ZBTB49: variants seen among roughly 807,000 people sequenced by gnomAD.
ZBTB49 encodes zinc finger and BTB domain containing 49.
ZBTB49 carries 43 observed loss-of-function variants against 57.5 expected under a neutral mutation model. That is an observed-to-expected ratio of 0.75 (90% CI 0.59 to 0.97). The LOEUF is 0.97. ZBTB49 is among the 50% of genes least tolerant of loss of function. ZBTB49 has a pLI of 0.00. For synonymous variants in ZBTB49, 369 were observed against 362.1 expected (o/e 1.02, Z -0.22); for missense variants, 938 against 947.7 (o/e 0.99, Z 0.13).
intron 1 of ZBTB49, 118 bp downstream of exon 1, chr4:4,290,470 C>T (rs1719834640): frequency 6.6e-6 from 1 of 152,398 alleles, no homozygotes; most frequent in African/African-American, 2.4e-5. Flanking sequence ...ACCGCTCCTT[C>T]CCGTCTCTGG....
chr4:4,294,979 G>A (rs947002851), intron 1 of ZBTB49, among the ~76,000 whole-genome samples: 6 of 151,768 alleles, frequency 4.0e-5, no homozygotes, highest in African/African-American at 9.7e-5. Flanking sequence ...GTGTTTGGGG[G>A]CCAGGATTCA....
chr4:4,310,611 G>A (rs1462908973), intron 4 of ZBTB49, among the ~76,000 whole-genome samples: 1 of 150,264 alleles, frequency 6.7e-6, no homozygotes, highest in Non-Finnish European at 1.5e-5. Context: ...CTGGGTTCAC[G>A]CCATTCTCCT....
At chr4:4,300,975 C>T (rs1720447911) in intron 2 of ZBTB49, among the ~76,000 whole-genome samples, 1 of 151,976 alleles carries the variant, frequency 6.6e-6, no homozygotes, top group South Asian at 2.1e-4. Context: ...CCTGAATCAT[C>T]AAATTGAGTC....
At chr4:4,295,464 C>G (rs575170415) in intron 1 of ZBTB49, among the ~76,000 whole-genome samples, 38 of 152,304 alleles carry the variant, frequency 2.5e-4, no homozygotes, top group African/African-American at 9.1e-4. Context: ...GATGAGAACA[C>G]AGAGCCAAGC....
chr4:4,319,578 T>G (rs1035344904), intron 7 of ZBTB49, among the ~76,000 whole-genome samples: 2 of 152,248 alleles, frequency 1.3e-5, no homozygotes, highest in African/African-American at 2.4e-5. Context: ...CCCAGCACTT[T>G]GGGAGGCTGA....
In ZBTB49 at chr4:4,315,629, A is replaced by G. The variant is rs759718115; in HGVS notation, c.1377-7A>G. ...GCTCTTAATTGAATTTTCAAATTAC[A>G]TTCTAGGTTTGCAGCCTCTGGCGAC... On this transcript the variant is annotated splice_polypyrimidine_tract_variant and splice_region_variant and intron_variant, in intron 5 of 7. Transcript: ENST00000337872. 35 of 1,613,768 alleles carry G rather than the reference A, an allele frequency of 2.2e-5. No homozygotes were observed. Among genetic ancestry groups the G allele is most frequent in the Non-Finnish European group, 2.9e-5 (34 of 1,179,880 alleles).
chr4:4,311,020 C>A (rs1465518999), intron 4 of ZBTB49, among the ~76,000 whole-genome samples: 1 of 152,066 alleles, frequency 6.6e-6, no homozygotes, highest in Non-Finnish European at 1.5e-5. Flanking sequence ...TTTGCATGGC[C>A]CATTCCATTA....
chr4:4,297,058 CTTTTA>C (rs926276037), intron 1 of ZBTB49, among the ~76,000 whole-genome samples: 17 of 152,186 alleles, frequency 1.1e-4, no homozygotes, highest in Admixed American at 2.6e-4. Flanking sequence ...GTTCAACCTT[CTTTTA>C]TTTTATTTAT....
chr4:4,306,369 A>T (rs1720736158), intron 4 of ZBTB49, among the ~76,000 whole-genome samples, 185 bp downstream of exon 4: 1 of 152,230 alleles, frequency 6.6e-6, no homozygotes, highest in Non-Finnish European at 1.5e-5. Flanking sequence ...TTGAGAGAAA[A>T]ATAGCATTTT....
intron 2 of ZBTB49, 89 bp from the exon 3 acceptor site, chr4:4,301,900 T>C: frequency 8.0e-7 from 1 of 1,254,304 alleles, no homozygotes; most frequent in Non-Finnish European, 1.0e-6. Flanking sequence ...AAGGATAGTA[T>C]TTTTTAATAT....
intron 7 of ZBTB49, among the ~76,000 whole-genome samples, chr4:4,319,797 G>GATTTTTT (rs1390015943): frequency 6.6e-6 from 1 of 151,564 alleles, no homozygotes; most frequent in African/African-American, 2.4e-5. Flanking sequence ...CAGCCTGGGC[G>GATTTTTT]CCTCACTCCC....
chr4:4,314,255 T>C (rs547777304), intron 5 of ZBTB49, among the ~76,000 whole-genome samples: 1 of 152,258 alleles, frequency 6.6e-6, no homozygotes, highest in African/African-American at 2.4e-5. Flanking sequence ...AGCATAGCCC[T>C]CCTGCTGCCT....
intron 7 of ZBTB49, among the ~76,000 whole-genome samples, chr4:4,317,923 A>G (rs1299392606): frequency 6.6e-6 from 1 of 151,898 alleles, no homozygotes; most frequent in Non-Finnish European, 1.5e-5. Context: ...AGCTTCCTAT[A>G]GGGAGGCTTC....
rs1310585242 is a variant in ZBTB49, at chr4:4,301,985, C to T, written c.153-4C>T. 2.6e-6 allele frequency: 4 copies of T among 1,511,918 alleles called. No individual in the cohort carries two copies. Among genetic ancestry groups the T allele is most frequent in the African/African-American group, 1.4e-5 (1 of 71,794 alleles). The allele number at this position is 1,511,918 out of a possible 1,614,324, so 93.7% of individuals were successfully genotyped here. A position where few individuals can be genotyped will look rare whatever the true frequency, so the allele number is the denominator to read the frequency against. ...CTGTAAACAGATATTCTTTCTTTTACCAGGAGCCTCTTTCAGAATTCTTCA... is the reference window on the plus strand; with the variant it reads ...CTGTAAACAGATATTCTTTCTTTTATCAGGAGCCTCTTTCAGAATTCTTCA... On this transcript the variant is annotated splice_region_variant and splice_polypyrimidine_tract_variant and intron_variant, in intron 2 of 7. Transcript: ENST00000337872.
chr4:4,291,186 TAAAC>T (rs1343730401), intron 1 of ZBTB49, among the ~76,000 whole-genome samples: 1 of 152,234 alleles, frequency 6.6e-6, no homozygotes, highest in Non-Finnish European at 1.5e-5. Context: ...CTGGGTGGCT[TAAAC>T]AACAGAAATT....
In ZBTB49 at chr4:4,321,141, G is replaced by A. The variant is rs763355579; in HGVS notation, c.2123G>A (p.Gly708Asp). Residue 708 changes from glycine (G) to aspartate (D), a missense_variant, in exon 8 of 8, where the codon GGC becomes GAC. This residue lies in a region of ZBTB49 where 835 missense variants were observed against 819.1 expected (regional missense o/e 1.02). Coordinates refer to ENST00000337872, the MANE Select transcript of ZBTB49 (RefSeq NM_145291.4). ...PAGGEPLQAD[G>D]MAMIRSSLAA... The stretch of plus-strand genomic sequence containing the variant: ...GGTGGCGAACCACTGCAGGCCGATG[G>A]CATGGCCATGATCCGTTCCTCTCTG... 1.9e-6 allele frequency: 3 copies of A among 1,614,180 alleles called. No homozygotes were observed. The highest frequency in any genetic ancestry group is 2.5e-6 in the Non-Finnish European group (3 of 1,180,040).
intron 5 of ZBTB49, among the ~76,000 whole-genome samples, chr4:4,314,965 T>G (rs748875271): frequency 2.6e-5 from 4 of 152,230 alleles, no homozygotes; most frequent in Non-Finnish European, 4.4e-5. Flanking sequence ...GCTGGTTCCC[T>G]TTCTTCCATT....
chr4:4,319,281 A>G (rs928550708), intron 7 of ZBTB49, among the ~76,000 whole-genome samples: 3 of 152,190 alleles, frequency 2.0e-5, no homozygotes, highest in Non-Finnish European at 4.4e-5. Context: ...TAAAAAAAAA[A>G]TAGCCTAGCC....
At chr4:4,307,139 C>G (rs983096181) in intron 4 of ZBTB49, among the ~76,000 whole-genome samples, 5 of 152,232 alleles carry the variant, frequency 3.3e-5, no homozygotes, top group Non-Finnish European at 7.3e-5. Flanking sequence ...TCCCTGCCTG[C>G]TGGGATTCAC....
Sources: allele counts gnomAD v4.1 joint callset (sites outside exome capture counted in the v4.1 genomes callset), GRCh38; gene constraint gnomAD v4.1.1; regional missense constraint gnomAD v4.1.1; transcripts MANE v1.5; gene names NCBI Gene and HGNC (gene_info 2026-07-23, HGNC 2026-07-21).